The following ANXA8 variants were observed in gnomAD, a reference collection of about 807,000 sequenced individuals.
ANXA8 encodes VAC-beta.
ANXA8 carries 9 observed loss-of-function variants against 26.8 expected under a neutral mutation model. The ratio of observed to expected loss-of-function variants is 0.34; its 90% CI spans 0.20 to 0.59. ANXA8 has a LOEUF of 0.59. Among genes scored for constraint, ANXA8 ranks in the 20% least tolerant of loss-of-function variants. The probability of loss-of-function intolerance (pLI) is 0.84; values close to 1 mark genes in which losing one functional copy is unlikely to be tolerated. For missense variants in ANXA8, 83 were observed against 238.5 expected (o/e 0.35, Z 4.29); for synonymous variants, 39 against 94.8 (o/e 0.41, Z 3.42).
the ANXA8 span, among the ~76,000 whole-genome samples, chr10:47,948,032 C>A: frequency 1.3e-5 from 2 of 150,726 alleles, no homozygotes; most frequent in Non-Finnish European, 2.9e-5. Flanking sequence ...CCAGAAAAGT[C>A]ATGTCTTGGC....
At chr10:47,556,675 G>A in the ANXA8 span, among the ~76,000 whole-genome samples, 1 of 151,798 alleles carries the variant, frequency 6.6e-6, no homozygotes, top group Admixed American at 6.6e-5. Flanking sequence ...GAGAAGACTG[G>A]GGTCACAAGT....
the ANXA8 span, chr10:47,567,990 C>G: frequency 1.4e-6 from 1 of 717,762 alleles, no homozygotes; most frequent in South Asian, 1.5e-5. Flanking sequence ...GTGTTAAGAT[C>G]TATCCCAAGA....
chr10:47,666,862 C>T, the ANXA8 span, among the ~76,000 whole-genome samples: 11 of 152,064 alleles, frequency 7.2e-5, no homozygotes, highest in East Asian at 9.6e-4. Context: ...AATTTACCTG[C>T]GGTTTTTCAA....
At chr10:47,488,712 AATTTTTTTTTTT>A (rs1396931781), upstream of ANXA8, among the ~76,000 whole-genome samples, 267 of 95,890 alleles carry the variant, frequency 2.8e-3, 1 homozygote, top group Admixed American at 0.02. Context: ...TTACATGTTA[AATTTTTTTTTTT>A]TTTTTTTTTT....
At chr10:47,765,798 A>C in the ANXA8 span, among the ~76,000 whole-genome samples, 2 of 148,694 alleles carry the variant, frequency 1.3e-5, no homozygotes, top group South Asian at 2.1e-4. Context: ...CTCCCCTCCC[A>C]TTCTCATCCC....
chr10:47,945,284 A>C, the ANXA8 span, among the ~76,000 whole-genome samples: 1 of 149,944 alleles, frequency 6.7e-6, no homozygotes, highest in Admixed American at 6.6e-5. Context: ...CAGTGCCAGC[A>C]CAGAGAGTGG....
At chr10:47,497,452 C>A in the ANXA8 span, among the ~76,000 whole-genome samples, 1 of 145,976 alleles carries the variant, frequency 6.9e-6, no homozygotes, top group African/African-American at 2.5e-5. Context: ...CCCATCTCTA[C>A]TAAAATAAAA....
the ANXA8 span, chr10:47,502,473 T>A: frequency 3.1e-6 from 5 of 1,612,880 alleles, no homozygotes; most frequent in Non-Finnish European, 3.4e-6. Context: ...TTGAGGGTTT[T>A]GTCTGCCCCT....
At chr10:47,508,061 A>C in the ANXA8 span, among the ~76,000 whole-genome samples, 663 of 133,694 alleles carry the variant, frequency 5.0e-3, 47 homozygotes, top group African/African-American at 0.017. Context: ...TGCCCAGATA[A>C]TTTTTTTTTT....
the ANXA8 span, among the ~76,000 whole-genome samples, chr10:47,942,379 T>C: frequency 0.032 from 4,622 of 144,182 alleles, 761 homozygotes; most frequent in African/African-American, 0.12. Flanking sequence ...CCTGCAATGC[T>C]GTGCTGCTTC....
chr10:47,725,489 CT>C, the ANXA8 span, among the ~76,000 whole-genome samples: 1 of 116,760 alleles, frequency 8.6e-6, no homozygotes, highest in Non-Finnish European at 1.8e-5. Flanking sequence ...TTATTATCTA[CT>C]TTGAGTTAAG....
chr10:47,733,219 T>TTCTCTCTCTC, the ANXA8 span, among the ~76,000 whole-genome samples: 20 of 68,078 alleles, frequency 2.9e-4, no homozygotes, highest in South Asian at 1.6e-3. Context: ...CTTTCTTTCT[T>TTCTCTCTCTC]TCTCTTTCTT....
the ANXA8 span, chr10:47,510,064 T>C: frequency 1.3e-6 from 2 of 1,491,874 alleles, no homozygotes; most frequent in African/African-American, 1.6e-5. Context: ...AATATCAATA[T>C]ATGGTTGACT....
chr10:47,681,522 A>G, the ANXA8 span, among the ~76,000 whole-genome samples: 1 of 82,916 alleles, frequency 1.2e-5, no homozygotes, highest in Admixed American at 1.2e-4. Context: ...TTTTATTTTT[A>G]CTTTTTTTTT....
At chr10:47,654,115 G>A in the ANXA8 span, among the ~76,000 whole-genome samples, 15 of 151,930 alleles carry the variant, frequency 9.9e-5, no homozygotes, top group East Asian at 9.6e-4. Context: ...TGATAAGCAC[G>A]TCCATTTTAA....
the ANXA8 span, among the ~76,000 whole-genome samples, chr10:47,649,565 C>T: frequency 7.3e-5 from 11 of 151,342 alleles, no homozygotes; most frequent in Non-Finnish European, 1.2e-4. Context: ...CGCACCACCA[C>T]GCCCGGCTAA....
chr10:47,566,611 C>T, the ANXA8 span, among the ~76,000 whole-genome samples: 375 of 146,282 alleles, frequency 2.6e-3, no homozygotes, highest in Non-Finnish European at 1.3e-3. Flanking sequence ...AGAGCTGTTC[C>T]CTCTCAGGGG....
the ANXA8 span, among the ~76,000 whole-genome samples, chr10:47,556,453 G>C: frequency 6.6e-6 from 1 of 151,888 alleles, no homozygotes; most frequent in Admixed American, 6.6e-5. Flanking sequence ...GTTTCCAAGA[G>C]GTATTTGGTG....
the ANXA8 span, among the ~76,000 whole-genome samples, chr10:47,671,376 C>T: frequency 1.3e-5 from 2 of 151,778 alleles, no homozygotes; most frequent in African/African-American, 2.4e-5. Flanking sequence ...GAGCCGAGAT[C>T]GTAGCACTGC....
Sources: allele counts gnomAD v4.1 joint callset (sites outside exome capture counted in the v4.1 genomes callset), GRCh38; gene constraint gnomAD v4.1.1; transcripts MANE v1.5; gene names NCBI Gene and HGNC (gene_info 2026-07-23, HGNC 2026-07-21).